Variants in FBXO30 observed in about 807,000 individuals in gnomAD.
FBXO30 encodes the protein F-box protein 30.
In FBXO30, 21 loss-of-function variants were observed where a neutral mutation model predicts 58.1. The ratio of observed to expected loss-of-function variants is 0.36; its 90% CI spans 0.26 to 0.52. The LOEUF is 0.52. Ranked by LOEUF, FBXO30 falls within the 20% of genes least tolerant of loss-of-function variation. FBXO30 has a pLI of 0.93. For missense variants in FBXO30, 744 were observed against 897.3 expected, an observed-to-expected ratio of 0.83 and a Z score of 2.18; for synonymous variants, 309 against 312.4, an observed-to-expected ratio of 0.99 and a Z score of 0.11.
chr6:145,814,155 G>A (rs1347444109), intron 1 of FBXO30, among the ~76,000 whole-genome samples: 1 of 152,172 alleles, frequency 6.6e-6, no homozygotes, highest in African/African-American at 2.4e-5. Flanking sequence ...AGTGGATGAT[G>A]CCTCCCCAGT....
Position 145,805,461 on chromosome 6 carries a change from T to G in FBXO30, c.945A>C (p.Gly315=), listed in dbSNP as rs542624611. ...TGCCATCTGATGATGCCACACAGTC[T>G]CCATTTGTTAAGTTACTTTGTTTTG... The part of the protein sequence containing the change: ...GDSKQSNLTN[G]DCVASSDGTS... The change falls in exon 2 of 3, where the codon GGA becomes GGC. Residue 315 remains glycine, a synonymous_variant. Transcript: ENST00000237281. 1.5e-5 allele frequency: 24 copies of G among 1,610,738 alleles called. No individual in the cohort carries two copies. In the East Asian group the frequency reaches 5.1e-4, roughly 34 times the overall value.
At chr6:145,813,762 A>G (rs549882252) in intron 1 of FBXO30, among the ~76,000 whole-genome samples, 11 of 152,348 alleles carry the variant, frequency 7.2e-5, no homozygotes, top group Admixed American at 3.3e-4. Flanking sequence ...GAGTCAACGA[A>G]GTAATCATGG....
At chr6:145,807,781 T>C (rs1176706323) in intron 1 of FBXO30, among the ~76,000 whole-genome samples, 2 of 152,190 alleles carry the variant, frequency 1.3e-5, no homozygotes, top group Non-Finnish European at 2.9e-5. Flanking sequence ...ATCAACTTCT[T>C]TACTGGTGTG....
chr6:145,803,187 C>T (rs1778057657), intron 2 of FBXO30, among the ~76,000 whole-genome samples: 1 of 151,860 alleles, frequency 6.6e-6, no homozygotes, highest in African/African-American at 2.4e-5. Context: ...AATTTCACTC[C>T]ATATGTCAAT....
rs929990665 is a variant in FBXO30 at position 145,796,527 on chromosome 6, G to T, written c.*3579C>A. On this transcript the variant is annotated 3_prime_UTR_variant, in exon 3 of 3. Coordinates refer to ENST00000237281, the MANE Select transcript of FBXO30 (RefSeq NM_032145.5). ...GAGAAATTCTTTCCATCAAAAGTCT[G>T]TCCAGAGAATGAGGGCCAATTGCTT... is the stretch of plus-strand genomic sequence containing the variant. 28 of 152,002 alleles carry T rather than the reference G, an allele frequency of 1.8e-4. No homozygotes were observed. Among genetic ancestry groups the T allele is most frequent in the African/African-American group, 6.5e-4 (27 of 41,430 alleles). 9.4% of individuals were successfully genotyped at this position (152,002 alleles called of 1,614,324 possible). A position where few individuals can be genotyped will look rare whatever the true frequency, so the allele number is the denominator to read the frequency against.
intron 2 of FBXO30, among the ~76,000 whole-genome samples, chr6:145,801,930 G>C (rs1053154859): frequency 6.6e-6 from 1 of 152,158 alleles, no homozygotes; most frequent in African/African-American, 2.4e-5. Flanking sequence ...AGGAAAAGCA[G>C]GCAAAAGAAA....
intron 1 of FBXO30, among the ~76,000 whole-genome samples, chr6:145,807,316 A>G (rs1461356274): frequency 6.6e-6 from 1 of 152,248 alleles, no homozygotes; most frequent in African/African-American, 2.4e-5. Flanking sequence ...GGGATTAGAG[A>G]ATAAATCACA....
Position 145,795,921 on chromosome 6 carries a change from A to C in FBXO30, c.*4185T>G, listed in dbSNP as rs1287647618. ...GCCCTCATTTCGCAAAGATTTTCAG[A>C]GCAACATATCACACTTGGTTAGTTA... On this transcript the variant is annotated 3_prime_UTR_variant, in exon 3 of 3. Coordinates refer to ENST00000237281, the MANE Select transcript of FBXO30 (RefSeq NM_032145.5). The C allele has an allele frequency of 1.3e-5, 2 of 151,956 alleles. No individual in the cohort carries two copies. The highest frequency in any genetic ancestry group is 2.9e-5 in the Non-Finnish European group (2 of 67,836). The allele number at this position is 151,956 out of a possible 1,614,324, so 9.4% of individuals were successfully genotyped here.
At position 145,798,524 on chromosome 6, in the gene FBXO30, C is replaced by G. The variant is rs934170932; in HGVS notation, c.*1582G>C. 6.6e-6 allele frequency: 1 copy of G among 152,378 alleles called. No individual in the cohort carries two copies. The allele number at this position is 152,378 out of a possible 1,614,324, so 9.4% of individuals were successfully genotyped here. On this transcript the variant is annotated 3_prime_UTR_variant, in exon 3 of 3. Coordinates refer to ENST00000237281, the MANE Select transcript of FBXO30 (RefSeq NM_032145.5). Reference sequence around the variant, plus strand: ...TATCTCTTTTCTGTTGTTTTTTCCACAGAAATAGAGACTGTTTATTCAATC... The same window carrying G: ...TATCTCTTTTCTGTTGTTTTTTCCAGAGAAATAGAGACTGTTTATTCAATC...
rs1360240249 is a variant in FBXO30, at chr6:145,794,838, A to G, written c.*5268T>C. ...TGAGAGAGACTTTAAAACAAGCATG[A>G]TAAGTTACTTAAATCTAAAATTACT... On this transcript the variant is annotated 3_prime_UTR_variant, in exon 3 of 3. Transcript: ENST00000237281. The G allele has an allele frequency of 6.6e-6, 1 of 151,860 alleles. No individual in the cohort carries two copies. The highest frequency in any genetic ancestry group is 2.4e-5 in the African/African-American group (1 of 41,396). 9.4% of individuals were successfully genotyped at this position (151,860 alleles called of 1,614,324 possible). A position where few individuals can be genotyped will look rare whatever the true frequency, so the allele number is the denominator to read the frequency against.
At position 145,799,885 on chromosome 6, in the gene FBXO30, C is replaced by T; in HGVS notation, c.*221G>A. On this transcript the variant is annotated 3_prime_UTR_variant, in exon 3 of 3. Transcript: ENST00000237281. The stretch of plus-strand genomic sequence containing the variant: ...AATTATGTAGCTAAAAATTAAATCA[C>T]CCTGTCCAGCAAGTTCCAAAAATTT... 2.9e-6 allele frequency: 1 copy of T among 345,612 alleles called. No homozygotes were observed. 21.4% of individuals were successfully genotyped at this position (345,612 alleles called of 1,614,324 possible). A position where few individuals can be genotyped will look rare whatever the true frequency, so the allele number is the denominator to read the frequency against.
Position 145,794,239 on chromosome 6 carries a change from T to C in FBXO30, c.*5867A>G, listed in dbSNP as rs1777826911. The C allele has an allele frequency of 6.6e-6, 1 of 151,984 alleles. No homozygotes were observed. The highest frequency in any genetic ancestry group is 1.5e-5 in the Non-Finnish European group (1 of 67,872). The allele number at this position is 151,984 out of a possible 1,614,324, so 9.4% of individuals were successfully genotyped here. A position where few individuals can be genotyped will look rare whatever the true frequency, so the allele number is the denominator to read the frequency against. On this transcript the variant is annotated 3_prime_UTR_variant, in exon 3 of 3. Coordinates refer to ENST00000237281, the MANE Select transcript of FBXO30 (RefSeq NM_032145.5). ...GCCTTTTGTGTCTAGCTTCATTCAC[T>C]TAGGTTTTTTATCCTCCAAAGAATA...
intron 1 of FBXO30, among the ~76,000 whole-genome samples, chr6:145,813,986 C>G (rs1379350683): frequency 6.6e-6 from 1 of 152,114 alleles, no homozygotes. Context: ...AAACCCCTTC[C>G]AAGCAAAGGA....
At position 145,800,100 on chromosome 6, in the gene FBXO30, C is replaced by A. The variant is rs1434683280; in HGVS notation, c.*6G>T. Reference sequence around the variant, plus strand: ...TTGCATATATGTGCTAGTAATATTACAACTTTTAAAGTACAGGTTTTAAAA... The same window carrying A: ...TTGCATATATGTGCTAGTAATATTAAAACTTTTAAAGTACAGGTTTTAAAA... On this transcript the variant is annotated 3_prime_UTR_variant, in exon 3 of 3. Coordinates refer to ENST00000237281, the MANE Select transcript of FBXO30 (RefSeq NM_032145.5). 1 of 1,608,030 alleles carries A rather than the reference C, an allele frequency of 6.2e-7. No individual in the cohort carries two copies. Among genetic ancestry groups the A allele is most frequent in the Non-Finnish European group, 8.5e-7 (1 of 1,175,426 alleles).
chr6:145,810,375 T>C (rs1166008698), intron 1 of FBXO30, among the ~76,000 whole-genome samples: 1 of 152,200 alleles, frequency 6.6e-6, no homozygotes, highest in Non-Finnish European at 1.5e-5. Flanking sequence ...AACATGCCTT[T>C]ATAAAGTATT....
intron 2 of FBXO30, among the ~76,000 whole-genome samples, chr6:145,800,617 T>C (rs533572625): frequency 6.6e-6 from 1 of 152,236 alleles, no homozygotes; most frequent in Non-Finnish European, 1.5e-5. Context: ...ACTGCACAAA[T>C]TCAGAGCCAT....
intron 2 of FBXO30, among the ~76,000 whole-genome samples, chr6:145,802,880 G>A (rs1048260729): frequency 3.3e-5 from 5 of 151,954 alleles, no homozygotes; most frequent in African/African-American, 4.8e-5. Flanking sequence ...AATAAAGGGG[G>A]GAGAAAAAGC....
In FBXO30 at chr6:145,800,011, G is replaced by C. The variant is rs1055687608; in HGVS notation, c.*95C>G. 2.5e-4 allele frequency: 212 copies of C among 855,546 alleles called. No individual in the cohort carries two copies. Among genetic ancestry groups the C allele is most frequent in the Admixed American group, 1.0e-3 (44 of 42,918 alleles). The allele number at this position is 855,546 out of a possible 1,614,324, so 53.0% of individuals were successfully genotyped here. On this transcript the variant is annotated 3_prime_UTR_variant, in exon 3 of 3. Transcript: ENST00000237281. ...TATATACACAGTGACAATAAATTTA[G>C]CTAGTTGTAATATTTAATACATTAA...
chr6:145,804,805 G>C lies in FBXO30; in HGVS notation c.1601C>G (p.Ser534Cys). Residue 534 changes from serine (S) to cysteine (C), a missense_variant, in exon 2 of 3, where the codon TCC (serine) becomes TGC (cysteine). Ser to Cys is a moderately radical substitution (Grantham distance 112). Transcript: ENST00000237281. ...GTCACCATGCACATTCTTAAAGTGG[G>C]AAGAAAATTCTTTCCTTCTAAATAA... is the stretch of plus-strand genomic sequence containing the variant. The part of the protein sequence containing the change: ...GQLFRRKEFS[S>C]HFKNVHGDIH... 6.2e-7 allele frequency: 1 copy of C among 1,613,910 alleles called. No homozygotes were observed. Among genetic ancestry groups the C allele is most frequent in the African/African-American group, 1.3e-5 (1 of 75,016 alleles).
Sources: allele counts gnomAD v4.1 joint callset (sites outside exome capture counted in the v4.1 genomes callset), GRCh38; gene constraint gnomAD v4.1.1; transcripts MANE v1.5; gene names NCBI Gene and HGNC (gene_info 2026-07-23, HGNC 2026-07-21).